The following GPC5 variants were observed in gnomAD, a reference collection of about 807,000 sequenced individuals.
GPC5 encodes the protein glypican-5.
In GPC5, 47 loss-of-function variants were observed where a neutral mutation model predicts 53.9. The observed-to-expected ratio is 0.87, with a 90% CI of 0.69 to 1.11. The LOEUF (loss-of-function observed/expected upper bound fraction) is 1.11. Among genes scored for constraint, GPC5 ranks in the 50% most tolerant of loss-of-function variants. The pLI is 0.00. For synonymous variants in GPC5, 286 were observed against 263.3 expected (o/e 1.09, Z -0.84); for missense variants, 748 against 713.1 (o/e 1.05, Z -0.56).
intron 2 of GPC5, among the ~76,000 whole-genome samples, chr13:91,681,026 T>C (rs979265406): frequency 3.3e-5 from 5 of 152,160 alleles, no homozygotes; most frequent in Admixed American, 6.6e-5. Context: ...GAATAATATG[T>C]ATTTCTATAT....
At chr13:92,454,680 A>G (rs1374842428) in intron 7 of GPC5, among the ~76,000 whole-genome samples, 1 of 152,180 alleles carries the variant, frequency 6.6e-6, no homozygotes, top group African/African-American at 2.4e-5. Context: ...GCATTTGCCC[A>G]TACTTGGTGT....
intron 7 of GPC5, among the ~76,000 whole-genome samples, chr13:92,404,184 C>A (rs1875688993): frequency 6.6e-6 from 1 of 152,116 alleles, no homozygotes; most frequent in African/African-American, 2.4e-5. Flanking sequence ...TAATCTTTCC[C>A]CCTTTATCCT....
At chr13:91,694,907 C>T (rs1170504219) in intron 3 of GPC5, among the ~76,000 whole-genome samples, 1 of 152,176 alleles carries the variant, frequency 6.6e-6, no homozygotes, top group Non-Finnish European at 1.5e-5. Flanking sequence ...CCGCGCCCAG[C>T]GATTTCATTA....
At chr13:92,259,638 A>G (rs371459338) in intron 7 of GPC5, among the ~76,000 whole-genome samples, 1 of 152,064 alleles carries the variant, frequency 6.6e-6, no homozygotes, top group Admixed American at 6.6e-5. Context: ...TTAAAGAGAG[A>G]GTGTGGGGGC....
chr13:92,413,741 G>A (rs1369566480), intron 7 of GPC5, among the ~76,000 whole-genome samples: 1 of 152,124 alleles, frequency 6.6e-6, no homozygotes, highest in Non-Finnish European at 1.5e-5. Flanking sequence ...AGGCTGGGTC[G>A]AGGTAAAGGA....
chr13:92,369,098 C>A (rs1030696537), intron 7 of GPC5, among the ~76,000 whole-genome samples: 4 of 152,174 alleles, frequency 2.6e-5, no homozygotes, highest in African/African-American at 9.7e-5. Context: ...ACAAAGATTT[C>A]AATTAGTAAA....
intron 7 of GPC5, chr13:92,658,929 T>TG (rs1422945073): frequency 1.6e-5 from 2 of 128,136 alleles, no homozygotes; most frequent in Non-Finnish European, 3.3e-5. Flanking sequence ...GTTTTGTTTT[T>TG]TTTTTTTTTT....
At chr13:91,961,056 T>TA (rs200818097) in intron 6 of GPC5, among the ~76,000 whole-genome samples, 15 of 149,672 alleles carry the variant, frequency 1.0e-4, no homozygotes, top group East Asian at 2.0e-4. Flanking sequence ...ATATTAAACT[T>TA]AAAAAAAAAC....
chr13:92,839,047 T>A (rs916065566), intron 7 of GPC5, among the ~76,000 whole-genome samples: 1 of 152,230 alleles, frequency 6.6e-6, no homozygotes, highest in Admixed American at 6.5e-5. Context: ...TAATAGGAAC[T>A]TAAACCACTT....
chr13:91,570,996 G>A (rs890983689), intron 2 of GPC5, among the ~76,000 whole-genome samples: 1 of 151,938 alleles, frequency 6.6e-6, no homozygotes, highest in African/African-American at 2.4e-5. Context: ...TTGTTTTCCT[G>A]GTTGATTTCT....
intron 6 of GPC5, among the ~76,000 whole-genome samples, chr13:91,929,795 T>A (rs187506272): frequency 7.1e-6 from 1 of 140,840 alleles, no homozygotes; most frequent in African/African-American, 2.7e-5. Flanking sequence ...ATTTCCTTTT[T>A]GTCTCTCAGA....
Position 92,426,922 on chromosome 13 carries a change from T to G in GPC5, c.1561+281933T>G, listed in dbSNP as rs1386423414. ...AACAAGAAGAAAAAGAGAGAACTAG[T>G]TAAATCATTCAGGAAATTGAGCCAT... is the stretch of plus-strand genomic sequence containing the variant. On this transcript the variant is annotated intron_variant, in intron 7 of 7. Coordinates refer to ENST00000377067, the MANE Select transcript of GPC5 (RefSeq NM_004466.6). Among the ~76,000 whole-genome samples, 3 of 151,948 alleles carry G rather than the reference T, an allele frequency of 2.0e-5. No individual in the cohort carries two copies. The East Asian group carries it at 5.8e-4, about 29-fold the overall frequency.
At chr13:92,727,720 A>T (rs1379985858) in intron 7 of GPC5, among the ~76,000 whole-genome samples, 2 of 151,392 alleles carry the variant, frequency 1.3e-5, no homozygotes, top group East Asian at 3.9e-4. Flanking sequence ...TCTGAAAAGA[A>T]ACATACCCTT....
At chr13:91,428,067 G>A (rs1003273083) in intron 1 of GPC5, among the ~76,000 whole-genome samples, 4 of 152,164 alleles carry the variant, frequency 2.6e-5, no homozygotes, top group Non-Finnish European at 4.4e-5. Flanking sequence ...CCAGTCTTGA[G>A]TATGTCTTTA....
At chr13:92,456,278 T>C (rs1226705912) in intron 7 of GPC5, among the ~76,000 whole-genome samples, 4 of 152,186 alleles carry the variant, frequency 2.6e-5, no homozygotes, top group African/African-American at 4.8e-5. Context: ...CGAAGGATGC[T>C]ACAGCTCCTG....
At chr13:92,630,572 A>C (rs901772427) in intron 7 of GPC5, among the ~76,000 whole-genome samples, 2 of 152,184 alleles carry the variant, frequency 1.3e-5, no homozygotes, top group African/African-American at 4.8e-5. Context: ...CAAAGCAGAG[A>C]CATTAGAACA....
intron 5 of GPC5, among the ~76,000 whole-genome samples, chr13:91,771,973 G>A (rs1327168251): frequency 6.6e-6 from 1 of 152,138 alleles, no homozygotes; most frequent in African/African-American, 2.4e-5. Flanking sequence ...GAAAGAATAT[G>A]GGTAGTTACT....
intron 7 of GPC5, among the ~76,000 whole-genome samples, chr13:92,382,935 G>T (rs970765399): frequency 6.6e-6 from 1 of 150,880 alleles, no homozygotes; most frequent in Non-Finnish European, 1.5e-5. Flanking sequence ...CCCGGGAGGC[G>T]GAGCTTGCAG....
intron 7 of GPC5, among the ~76,000 whole-genome samples, chr13:92,544,968 T>C (rs527866894): frequency 7.2e-5 from 11 of 152,246 alleles, no homozygotes; most frequent in African/African-American, 2.4e-4. Context: ...GTGCACAACG[T>C]GCAGGTTTGT....
Sources: allele counts gnomAD v4.1 joint callset (sites outside exome capture counted in the v4.1 genomes callset), GRCh38; gene constraint gnomAD v4.1.1; transcripts MANE v1.5; gene names NCBI Gene and HGNC (gene_info 2026-07-23, HGNC 2026-07-21).